Variants in ARHGAP31 observed in about 807,000 individuals in gnomAD.
ARHGAP31 encodes Rho GTPase activating protein 31, also known as rho GTPase-activating protein 31.
A neutral mutation model predicts 113.9 loss-of-function variants in ARHGAP31; 34 were observed. The observed-to-expected ratio is 0.30, with a 90% CI of 0.23 to 0.40. The LOEUF (loss-of-function observed/expected upper bound fraction) is 0.40. ARHGAP31 is among the 10% of genes least tolerant of loss of function. The pLI is 1.00. For synonymous variants in ARHGAP31, 650 were observed against 684.8 expected, an observed-to-expected ratio of 0.95 and a Z score of 0.79; for missense variants, 1,548 against 1,767.1, an observed-to-expected ratio of 0.88 and a Z score of 2.22.
intron 3 of ARHGAP31, among the ~76,000 whole-genome samples, chr3:119,379,011 T>C (rs1010965925): frequency 1.3e-5 from 2 of 152,176 alleles, no homozygotes; most frequent in Non-Finnish European, 2.9e-5. Flanking sequence ...ATGCGAGACC[T>C]CAAGATTCCC....
Position 119,416,454 on chromosome 3 carries a change from A to C in ARHGAP31, c.*190A>C. ...TAGAAGAGTGGTCAAGGGAAAAACG[A>C]GAGATGAAATTTAGTTAAGTCTATG... On this transcript the variant is annotated 3_prime_UTR_variant, in exon 12 of 12. Transcript: ENST00000264245. The C allele has an allele frequency of 1.3e-6, 1 of 792,158 alleles. No individual in the cohort carries two copies. Among genetic ancestry groups the C allele is most frequent in the East Asian group, 2.8e-5 (1 of 36,160 alleles). The allele number at this position is 792,158 out of a possible 1,614,324, so 49.1% of individuals were successfully genotyped here.
intron 1 of ARHGAP31, among the ~76,000 whole-genome samples, chr3:119,306,721 T>C (rs904906884): frequency 2.0e-5 from 3 of 152,186 alleles, no homozygotes; most frequent in Non-Finnish European, 4.4e-5. Context: ...GATTTTACTT[T>C]TGTTGGTCTG....
chr3:119,396,771 G>A (rs1041166402), intron 8 of ARHGAP31, among the ~76,000 whole-genome samples: 17 of 152,172 alleles, frequency 1.1e-4, no homozygotes, highest in African/African-American at 4.1e-4. Flanking sequence ...TGTTTTGGGT[G>A]GGGAGGAGTT....
At chr3:119,366,960 G>T (rs1392966559) in intron 2 of ARHGAP31, among the ~76,000 whole-genome samples, 1 of 151,940 alleles carries the variant, frequency 6.6e-6, no homozygotes, top group Non-Finnish European at 1.5e-5. Context: ...AAATTAGCCG[G>T]GTGTGGTGAT....
At chr3:119,343,422 G>A (rs1038541219) in intron 1 of ARHGAP31, among the ~76,000 whole-genome samples, 8 of 152,340 alleles carry the variant, frequency 5.3e-5, no homozygotes, top group African/African-American at 1.9e-4. Context: ...TAATATATGT[G>A]ACATGCTTAG....
rs536829947 is a variant in ARHGAP31 at position 119,310,615 on chromosome 3, A to G, written c.100+15611A>G. Among the ~76,000 whole-genome samples the G allele has an allele frequency of 2.6e-5, 4 of 152,300 alleles. No homozygotes were observed. The South Asian group carries it at 8.3e-4, about 32-fold the overall frequency. ...GGGATTTAGGTTGCAGGTTCCTTAT[A>G]AGAATCTACCTAATGCCTGATGATC... On this transcript the variant is annotated intron_variant, in intron 1 of 11. Coordinates refer to ENST00000264245, the MANE Select transcript of ARHGAP31 (RefSeq NM_020754.4).
At chr3:119,360,421 C>T (rs533817845) in intron 1 of ARHGAP31, among the ~76,000 whole-genome samples, 1 of 152,330 alleles carries the variant, frequency 6.6e-6, no homozygotes, top group African/African-American at 2.4e-5. Context: ...AATGTGGCCA[C>T]CACAACCACG....
At chr3:119,402,536 G>A (rs565966083) in intron 10 of ARHGAP31, 139 bp downstream of exon 10, 157 of 900,380 alleles carry the variant, frequency 1.7e-4, no homozygotes, top group Admixed American at 1.4e-3. Context: ...TCCACGCTCT[G>A]CCATTTTACT....
chr3:119,362,596 T>C (rs537878120), intron 1 of ARHGAP31, among the ~76,000 whole-genome samples: 7 of 151,768 alleles, frequency 4.6e-5, no homozygotes, highest in Non-Finnish European at 1.0e-4. Flanking sequence ...AGTGAAACCT[T>C]ACCTCTATGA....
chr3:119,402,147 C>A lies in ARHGAP31; in HGVS notation c.1395C>A (p.Val465=), dbSNP rs781508035. 3.7e-6 allele frequency: 6 copies of A among 1,614,278 alleles called. No homozygotes were observed. The highest frequency in any genetic ancestry group is 2.2e-5 in the East Asian group (1 of 44,890). ...CGAACGACAGCCCTAGCAAATCCGT[C>A]TTCACCAGCAGCCTCTTCCAGATGG... is the stretch of plus-strand genomic sequence containing the variant. ...YTSNDSPSKS[V]FTSSLFQMEP... Residue 465 remains valine (V), a synonymous_variant, in exon 10 of 12, where the codon GTC becomes GTA. Transcript: ENST00000264245.
chr3:119,357,007 G>C (rs560751735), intron 1 of ARHGAP31, among the ~76,000 whole-genome samples: 1 of 152,354 alleles, frequency 6.6e-6, no homozygotes, highest in African/African-American at 2.4e-5. Context: ...TCCCCTGCCA[G>C]TTGCAGTGCA....
At chr3:119,411,660 C>A (rs1284366301) in intron 11 of ARHGAP31, among the ~76,000 whole-genome samples, 1 of 152,054 alleles carries the variant, frequency 6.6e-6, no homozygotes, top group African/African-American at 2.4e-5. Flanking sequence ...GTCCCCGCTC[C>A]GAAGGAGGGC....
chr3:119,313,535 G>T (rs1288093915), intron 1 of ARHGAP31, among the ~76,000 whole-genome samples: 2 of 152,212 alleles, frequency 1.3e-5, no homozygotes, highest in African/African-American at 2.4e-5. Context: ...GAATTTGCTA[G>T]CCCACATACT....
Position 119,400,843 on chromosome 3 carries a change from C to T in ARHGAP31, c.1070-979C>T, listed in dbSNP as rs192901135. Reference sequence around the variant, plus strand: ...CATCTCCAAGCTTATTTACTTCCCACGTAGGCTTTTCTCTTCCTTGCCTTT... The same window carrying T: ...CATCTCCAAGCTTATTTACTTCCCATGTAGGCTTTTCTCTTCCTTGCCTTT... On this transcript the variant is annotated intron_variant, in intron 9 of 11. Transcript: ENST00000264245. 7.2e-5 allele frequency among the ~76,000 whole-genome samples: 11 copies of T among 152,310 alleles called. No individual in the cohort carries two copies. In the East Asian group the frequency reaches 1.7e-3, roughly 24 times the overall value.
At chr3:119,381,925 G>A (rs1442114150) in intron 4 of ARHGAP31, among the ~76,000 whole-genome samples, 1 of 149,822 alleles carries the variant, frequency 6.7e-6, no homozygotes, top group Non-Finnish European at 1.5e-5. Context: ...GGCGGAGCTT[G>A]CAGTGAGCTG....
chr3:119,396,301 T>C (rs2080549974), intron 8 of ARHGAP31, among the ~76,000 whole-genome samples: 1 of 152,184 alleles, frequency 6.6e-6, no homozygotes, highest in Non-Finnish European at 1.5e-5. Context: ...GTCTGAGTAT[T>C]GGTAATTTTC....
At position 119,409,705 on chromosome 3, in the gene ARHGAP31, G is replaced by T; in HGVS notation, c.1855G>T (p.Gly619Cys). 1 of 1,610,306 alleles carries T rather than the reference G, an allele frequency of 6.2e-7. No individual in the cohort carries two copies. The highest frequency in any genetic ancestry group is 8.5e-7 in the Non-Finnish European group (1 of 1,178,424). ...GGTGGTGGAGGAGGGACGAGAGGCT[G>T]GTGAGATGGAGTCCAGCACCCTGCA... Reference protein sequence around the residue: ...EKVVEEGREAGEMESSTLQES... With the variant: ...EKVVEEGREACEMESSTLQES... The change falls in exon 11 of 12, where the codon GGT becomes TGT. Residue 619 changes from glycine (G) to cysteine (C), a missense_variant. Gly to Cys is a radical substitution (Grantham distance 159, BLOSUM62 -3). Transcript: ENST00000264245.
At chr3:119,385,574 T>C (rs1426930794) in intron 6 of ARHGAP31, among the ~76,000 whole-genome samples, 1 of 152,210 alleles carries the variant, frequency 6.6e-6, no homozygotes, top group Non-Finnish European at 1.5e-5. Flanking sequence ...ATGCATACAT[T>C]TATTCATTCA....
chr3:119,388,029 C>T (rs1254711160), intron 6 of ARHGAP31, among the ~76,000 whole-genome samples: 3 of 152,066 alleles, frequency 2.0e-5, no homozygotes, highest in Admixed American at 1.3e-4. Context: ...AGACAGAGAA[C>T]AGAGGTTGTA....
Sources: gnomAD v4.1 joint callset for allele counts (sites outside exome capture counted in the v4.1 genomes callset) on GRCh38, gnomAD v4.1.1 for gene constraint, MANE v1.5 for transcripts, NCBI Gene and HGNC (gene_info 2026-07-23, HGNC 2026-07-21) for gene names.